Variants in CDC42SE2 observed in about 807,000 individuals in gnomAD.
The protein encoded by CDC42SE2 is CDC42 small effector 2.
A neutral mutation model predicts 11.5 loss-of-function variants in CDC42SE2; 3 were observed. The ratio of observed to expected loss-of-function variants is 0.26; its 90% confidence interval spans 0.12 to 0.67. The LOEUF (loss-of-function observed/expected upper bound fraction) is 0.67. CDC42SE2 is among the 30% of genes least tolerant of loss of function. CDC42SE2 has a pLI of 0.80. For synonymous variants in CDC42SE2, 33 were observed against 34.8 expected (o/e 0.95, Z 0.18); for missense variants, 82 against 106.8 (o/e 0.77, Z 1.02).
the CDC42SE2 span, among the ~76,000 whole-genome samples, chr5:131,236,753 A>G: frequency 6.6e-6 from 1 of 152,160 alleles, no homozygotes. Flanking sequence ...CCTAATAGCT[A>G]CCAGTTGTTC....
chr5:131,346,383 A>C (rs535053455), intron 2 of CDC42SE2, among the ~76,000 whole-genome samples: 1 of 152,200 alleles, frequency 6.6e-6, no homozygotes, highest in Admixed American at 6.5e-5. Flanking sequence ...CTTTAAACCA[A>C]CAAAGATCAA....
chr5:131,245,622 A>G (rs911546586), intron 1 of CDC42SE2: 15 of 152,348 alleles, frequency 9.8e-5, no homozygotes, highest in Middle Eastern at 3.4e-3. Context: ...TGTTATTCTC[A>G]TAATGTAATG....
intron 2 of CDC42SE2, among the ~76,000 whole-genome samples, chr5:131,337,981 C>A (rs1015707886): frequency 2.0e-5 from 3 of 152,224 alleles, no homozygotes; most frequent in African/African-American, 7.2e-5. Flanking sequence ...CTGTCCGGCA[C>A]TCCCCAGTGA....
intron 2 of CDC42SE2, among the ~76,000 whole-genome samples, chr5:131,349,263 A>G (rs1422482993): frequency 2.8e-5 from 4 of 144,510 alleles, no homozygotes; most frequent in East Asian, 2.3e-4. Flanking sequence ...CAGACACCGC[A>G]TGTTCTCACT....
the CDC42SE2 span, among the ~76,000 whole-genome samples, chr5:131,225,548 G>A: frequency 1.3e-5 from 2 of 152,148 alleles, no homozygotes; most frequent in African/African-American, 2.4e-5. Flanking sequence ...GGAAGAAGTG[G>A]GACTTTGGAA....
At chr5:131,236,509 C>G in the CDC42SE2 span, among the ~76,000 whole-genome samples, 3 of 152,072 alleles carry the variant, frequency 2.0e-5, no homozygotes, top group Admixed American at 2.0e-4. Flanking sequence ...TCACTGCAGT[C>G]TCCGCTTCCT....
At position 131,393,690 on chromosome 5, in the gene CDC42SE2, C is replaced by G. The variant is rs1750744438; in HGVS notation, c.*2599C>G. ...ATCAGCACTCATGCTATTTAGTCTACTTCTATTTTGACTGACTCTTTAAAT... is the reference window on the plus strand; with the variant it reads ...ATCAGCACTCATGCTATTTAGTCTAGTTCTATTTTGACTGACTCTTTAAAT... On this transcript the variant is annotated 3_prime_UTR_variant, in exon 5 of 5. Coordinates refer to ENST00000505065, the MANE Select transcript of CDC42SE2 (RefSeq NM_001375635.1). The G allele has an allele frequency of 6.6e-6, 1 of 152,172 alleles. No individual in the cohort carries two copies. The highest frequency in any genetic ancestry group is 2.1e-4 in the South Asian group (1 of 4,824). The allele number at this position is 152,172 out of a possible 1,614,324, so 9.4% of individuals were successfully genotyped here.
At chr5:131,312,430 G>A (rs1042992547) in intron 1 of CDC42SE2, among the ~76,000 whole-genome samples, 1 of 152,210 alleles carries the variant, frequency 6.6e-6, no homozygotes, top group African/African-American at 2.4e-5. Flanking sequence ...GGAGCCTACA[G>A]AGGCAGGCAG....
chr5:131,236,013 T>C, the CDC42SE2 span, among the ~76,000 whole-genome samples: 1 of 152,256 alleles, frequency 6.6e-6, no homozygotes, highest in Non-Finnish European at 1.5e-5. Context: ...TATGTGTTCA[T>C]ATATTAAGAA....
chr5:131,315,947 G>A (rs1050861318), intron 1 of CDC42SE2, 29 bp from the exon 2 acceptor site: 2 of 152,234 alleles, frequency 1.3e-5, no homozygotes, highest in African/African-American at 4.8e-5. Context: ...GTAGCTTTTT[G>A]CCTCCTAATT....
intron 1 of CDC42SE2, among the ~76,000 whole-genome samples, chr5:131,313,636 A>G (rs1000296904): frequency 1.9e-4 from 29 of 152,116 alleles, no homozygotes; most frequent in Non-Finnish European, 4.0e-4. Context: ...ACATGTGTGT[A>G]GTTGTATTTC....
intron 3 of CDC42SE2, among the ~76,000 whole-genome samples, chr5:131,369,360 A>G (rs756664517): frequency 1.3e-5 from 2 of 152,232 alleles, no homozygotes; most frequent in Admixed American, 6.5e-5. Flanking sequence ...CGCGACTATT[A>G]TGCACAATGC....
chr5:131,290,835 C>T (rs1041897678), intron 1 of CDC42SE2, among the ~76,000 whole-genome samples: 1 of 151,526 alleles, frequency 6.6e-6, no homozygotes, highest in Admixed American at 6.6e-5. Context: ...TACAGGCCAG[C>T]GAACATAGTA....
chr5:131,308,188 T>A (rs904316725), intron 1 of CDC42SE2, among the ~76,000 whole-genome samples: 7 of 152,136 alleles, frequency 4.6e-5, no homozygotes, highest in Non-Finnish European at 8.8e-5. Context: ...CCAGCACCAT[T>A]TATTAAATAG....
the CDC42SE2 span, among the ~76,000 whole-genome samples, chr5:131,213,527 C>T: frequency 1.1e-4 from 17 of 152,116 alleles, no homozygotes; most frequent in African/African-American, 3.4e-4. Flanking sequence ...TGGCTCACTG[C>T]GGCCTTAACC....
intron 3 of CDC42SE2, among the ~76,000 whole-genome samples, chr5:131,384,729 T>G (rs536713829): frequency 4.6e-5 from 7 of 152,110 alleles, no homozygotes; most frequent in Admixed American, 3.9e-4. Context: ...GGACACCAGC[T>G]GGTGGCTAAA....
chr5:131,285,332 T>C (rs1324978135), intron 1 of CDC42SE2, among the ~76,000 whole-genome samples: 1 of 152,136 alleles, frequency 6.6e-6, no homozygotes, highest in African/African-American at 2.4e-5. Context: ...GCTGTATCTT[T>C]GTATGTTACT....
chr5:131,212,902 A>G, the CDC42SE2 span, among the ~76,000 whole-genome samples: 1 of 152,132 alleles, frequency 6.6e-6, no homozygotes, highest in African/African-American at 2.4e-5. Flanking sequence ...AAAAAAAATA[A>G]TAATCCGGCT....
chr5:131,234,092 A>G, the CDC42SE2 span, among the ~76,000 whole-genome samples: 1 of 152,216 alleles, frequency 6.6e-6, no homozygotes, highest in Non-Finnish European at 1.5e-5. Flanking sequence ...GAAATGACGA[A>G]GTTTATTTGA....
Sources: gnomAD v4.1 joint callset for allele counts (sites outside exome capture counted in the v4.1 genomes callset) on GRCh38, gnomAD v4.1.1 for gene constraint, MANE v1.5 for transcripts, NCBI Gene and HGNC (gene_info 2026-07-23, HGNC 2026-07-21) for gene names.